The following FGF12 variants were observed in gnomAD, a reference collection of about 807,000 sequenced individuals.
The protein encoded by FGF12 is fibroblast growth factor 12B.
FGF12 carries 14 observed loss-of-function variants against 23.6 expected under a neutral mutation model. The ratio of observed to expected loss-of-function variants is 0.59; its 90% CI spans 0.39 to 0.93. FGF12 has a LOEUF of 0.93. Among genes scored for constraint, FGF12 ranks in the 40% least tolerant of loss-of-function variants. The pLI, the probability that FGF12 is intolerant of heterozygous loss-of-function variation, is 0.00. For synonymous variants in FGF12, 62 were observed against 77.3 expected, an observed-to-expected ratio of 0.80 and a Z score of 1.04; for missense variants, 175 against 217.8, an observed-to-expected ratio of 0.80 and a Z score of 1.24.
chr3:192,618,198 C>T (rs1294643586), intron 2 of FGF12, among the ~76,000 whole-genome samples: 1 of 149,358 alleles, frequency 6.7e-6, no homozygotes, highest in Non-Finnish European at 1.5e-5. Flanking sequence ...AATGGAATCA[C>T]TAAGGTGAAA....
At chr3:192,706,348 C>T (rs1718470087) in intron 2 of FGF12, among the ~76,000 whole-genome samples, 1 of 152,076 alleles carries the variant, frequency 6.6e-6, no homozygotes, top group Non-Finnish European at 1.5e-5. Context: ...ATCATCTTTT[C>T]TTTCGCCCAC....
chr3:192,594,355 A>G (rs765492457), intron 2 of FGF12, among the ~76,000 whole-genome samples: 2 of 151,912 alleles, frequency 1.3e-5, no homozygotes, highest in Admixed American at 6.6e-5. Flanking sequence ...AATTTCACAT[A>G]TAAATCTTGA....
Position 192,141,140 on chromosome 3 carries a change from A to AC in FGF12, c.*2868_*2869insG, listed in dbSNP as rs1713358081. On this transcript the variant is annotated 3_prime_UTR_variant, in exon 6 of 6. Transcript: ENST00000445105. ...CCCAATGCAACTCCAAAAAAAAAAA[A>AC]AAAAAAAAAAAAAAGCTTATTTTAC... The AC allele has an allele frequency of 6.7e-6, 1 of 149,392 alleles. No homozygotes were observed. The highest frequency in any genetic ancestry group is 2.4e-5 in the African/African-American group (1 of 41,040). 9.3% of individuals were successfully genotyped at this position (149,392 alleles called of 1,614,324 possible).
chr3:192,358,511 G>T (rs1363638187), intron 3 of FGF12, among the ~76,000 whole-genome samples: 1 of 151,970 alleles, frequency 6.6e-6, no homozygotes, highest in Non-Finnish European at 1.5e-5. Flanking sequence ...TGTGTGGTAT[G>T]CAGAATGACA....
intron 2 of FGF12, among the ~76,000 whole-genome samples, chr3:192,465,146 G>C (rs978399017): frequency 3.3e-5 from 5 of 152,070 alleles, no homozygotes; most frequent in African/African-American, 1.2e-4. Context: ...AAAACTTATA[G>C]AAGAATTTTT....
At chr3:192,365,512 A>G (rs898719922) in intron 2 of FGF12, among the ~76,000 whole-genome samples, 1 of 152,142 alleles carries the variant, frequency 6.6e-6, no homozygotes, top group Non-Finnish European at 1.5e-5. Context: ...AGCTGTTACT[A>G]TGGGAAATTG....
chr3:192,186,680 T>C (rs1363010360), intron 4 of FGF12, among the ~76,000 whole-genome samples: 1 of 152,212 alleles, frequency 6.6e-6, no homozygotes, highest in Non-Finnish European at 1.5e-5. Flanking sequence ...TTGATTTTCA[T>C]GCTCTTGCAA....
chr3:192,244,586 G>C (rs1033339052), intron 4 of FGF12, among the ~76,000 whole-genome samples: 5 of 152,190 alleles, frequency 3.3e-5, no homozygotes, highest in Admixed American at 1.3e-4. Context: ...AGTGGCTATA[G>C]ATAGGCAGAA....
At chr3:192,190,994 C>T (rs1414130972) in intron 4 of FGF12, among the ~76,000 whole-genome samples, 1 of 152,102 alleles carries the variant, frequency 6.6e-6, no homozygotes, top group African/African-American at 2.4e-5. Context: ...TTTAGGCTAT[C>T]CTAAGAGTGA....
At chr3:192,377,437 T>G (rs1719570262) in intron 2 of FGF12, among the ~76,000 whole-genome samples, 1 of 152,248 alleles carries the variant, frequency 6.6e-6, no homozygotes, top group Non-Finnish European at 1.5e-5. Context: ...CTATGCATTT[T>G]AATTTTTGTT....
intron 2 of FGF12, among the ~76,000 whole-genome samples, chr3:192,484,266 C>T (rs1009170122): frequency 1.4e-5 from 2 of 147,222 alleles, no homozygotes; most frequent in South Asian, 4.3e-4. Context: ...CAAAAGAACA[C>T]TCAACAACTG....
chr3:192,346,283 A>G (rs538859741), intron 3 of FGF12, among the ~76,000 whole-genome samples: 4 of 152,152 alleles, frequency 2.6e-5, no homozygotes, highest in Non-Finnish European at 5.9e-5. Context: ...CTTCCAAATA[A>G]TCTCTTTGCT....
chr3:192,242,391 T>A (rs1400557038), intron 4 of FGF12, among the ~76,000 whole-genome samples: 1 of 152,148 alleles, frequency 6.6e-6, no homozygotes, highest in African/African-American at 2.4e-5. Flanking sequence ...ACCAAAAGTG[T>A]TTATGAACAT....
intron 2 of FGF12, among the ~76,000 whole-genome samples, chr3:192,708,652 A>C (rs953194524): frequency 1.3e-5 from 2 of 152,196 alleles, no homozygotes; most frequent in African/African-American, 2.4e-5. Flanking sequence ...ACAGCCTAGA[A>C]AACAAGCTAG....
At chr3:192,159,566 T>G (rs910401051) in intron 5 of FGF12, among the ~76,000 whole-genome samples, 1 of 152,130 alleles carries the variant, frequency 6.6e-6, no homozygotes, top group Non-Finnish European at 1.5e-5. Context: ...GTGATGGAGG[T>G]CAAGGTGGTA....
intron 2 of FGF12, among the ~76,000 whole-genome samples, chr3:192,412,730 T>G (rs1344004408): frequency 6.6e-6 from 1 of 152,234 alleles, no homozygotes; most frequent in African/African-American, 2.4e-5. Context: ...ATTTTATATA[T>G]AGAAATTCGT....
chr3:192,453,688 G>A (rs1184089845), intron 2 of FGF12, among the ~76,000 whole-genome samples: 1 of 152,036 alleles, frequency 6.6e-6, no homozygotes, highest in African/African-American at 2.4e-5. Flanking sequence ...GATCACTTTT[G>A]CTTGTTTTAT....
chr3:192,158,332 C>CTTTCTTTTTCTTTCTT lies in FGF12; in HGVS notation c.427+12125_427+12126insAAGAAAGAAAAAGAAA, dbSNP rs1459698854. Among the ~76,000 whole-genome samples, 494 of 112,442 alleles carry CTTTCTTTTTCTTTCTT rather than the reference C, an allele frequency of 4.4e-3. 12 individuals carry two copies. Among genetic ancestry groups the CTTTCTTTTTCTTTCTT allele is most frequent in the African/African-American group, 0.016 (443 of 28,244 alleles). 73.8% of individuals were successfully genotyped at this position (112,442 alleles called of 152,430 possible). On this transcript the variant is annotated intron_variant, in intron 5 of 5. Transcript: ENST00000445105. ...CCCTTTTCTCTTTCTTTCTTTCTTT[C>CTTTCTTTTTCTTTCTT]TCTTTCTTTCTTTCTTTCTTTCTTT...
intron 4 of FGF12, among the ~76,000 whole-genome samples, chr3:192,328,211 C>T (rs1022484929): frequency 2.6e-5 from 4 of 152,178 alleles, no homozygotes; most frequent in Admixed American, 2.0e-4. Flanking sequence ...GAGGTGCAGC[C>T]ATTGCCCTTG....
Sources: gnomAD v4.1 joint callset for allele counts (sites outside exome capture counted in the v4.1 genomes callset) on GRCh38, gnomAD v4.1.1 for gene constraint, MANE v1.5 for transcripts, NCBI Gene and HGNC (gene_info 2026-07-23, HGNC 2026-07-21) for gene names.